Variants in CDKAL1 observed in about 807,000 individuals in gnomAD.
CDKAL1 encodes CDKAL1 threonylcarbamoyladenosine tRNA methylthiotransferase.
In CDKAL1, 32 loss-of-function variants were observed where a neutral mutation model predicts 68.2. The ratio of observed to expected loss-of-function variants is 0.47; its 90% CI spans 0.35 to 0.63. CDKAL1 has a LOEUF of 0.63. CDKAL1 is among the 30% of genes least tolerant of loss of function. The pLI is 0.00. For synonymous variants in CDKAL1, 234 were observed against 244.3 expected (o/e 0.96, Z 0.39); for missense variants, 606 against 696.7 (o/e 0.87, Z 1.47).
At chr6:21,149,003 A>C (rs770470118) in intron 13 of CDKAL1, among the ~76,000 whole-genome samples, 1 of 152,208 alleles carries the variant, frequency 6.6e-6, no homozygotes, top group Non-Finnish European at 1.5e-5. Context: ...TAAAGGAGAT[A>C]TCAGTATATA....
chr6:21,114,800 A>G (rs534611445), intron 13 of CDKAL1, among the ~76,000 whole-genome samples: 3 of 152,290 alleles, frequency 2.0e-5, no homozygotes, highest in East Asian at 1.9e-4. Flanking sequence ...GAGTGGGATA[A>G]TTTTAAGTAG....
At chr6:20,642,746 A>T (rs2127753028) in intron 4 of CDKAL1, among the ~76,000 whole-genome samples, 1 of 152,314 alleles carries the variant, frequency 6.6e-6, no homozygotes. Context: ...CTCTGACCCC[A>T]CATTCCCACC....
intron 12 of CDKAL1, among the ~76,000 whole-genome samples, chr6:21,097,474 CA>C (rs1169677420): frequency 7.5e-6 from 1 of 133,604 alleles, no homozygotes; most frequent in African/African-American, 2.8e-5. Flanking sequence ...TCTCAAAAAA[CA>C]AAAAAAAGAA....
chr6:20,719,747 A>C (rs1286418196), intron 5 of CDKAL1, among the ~76,000 whole-genome samples: 1 of 152,208 alleles, frequency 6.6e-6, no homozygotes, highest in Non-Finnish European at 1.5e-5. Flanking sequence ...GAAATGAAAC[A>C]TTGCCAGCCA....
Position 21,194,044 on chromosome 6 carries a change from C to T in CDKAL1, c.1300-3977C>T, listed in dbSNP as rs563254944. ...GAAGGGCTTTCAAAGAGACCACACA[C>T]GAAAGGCAGCCTCACATTATAACAC... On this transcript the variant is annotated intron_variant, in intron 13 of 15. Transcript: ENST00000274695. 8.5e-4 allele frequency among the ~76,000 whole-genome samples: 129 copies of T among 152,332 alleles called. 1 individual carries two copies. The highest frequency in any genetic ancestry group is 2.9e-3 in the African/African-American group (121 of 41,564).
chr6:20,855,442 CAAAAAAAAAAAAAA>C (rs145448785), intron 9 of CDKAL1, among the ~76,000 whole-genome samples: 5 of 64,598 alleles, frequency 7.7e-5, no homozygotes, highest in Non-Finnish European at 1.0e-4. Flanking sequence ...GACTCCGTCT[CAAAAAAAAAAAAAA>C]AAAAAAAAAA....
intron 9 of CDKAL1, among the ~76,000 whole-genome samples, chr6:20,916,536 G>A (rs1233659799): frequency 6.6e-6 from 1 of 152,168 alleles, no homozygotes. Flanking sequence ...GGAAAATGGT[G>A]TATTGAAGGT....
chr6:20,889,926 A>T (rs905128679), intron 9 of CDKAL1, among the ~76,000 whole-genome samples: 1 of 152,078 alleles, frequency 6.6e-6, no homozygotes, highest in Non-Finnish European at 1.5e-5. Flanking sequence ...TGGGTAAAAA[A>T]AATTTTTTTT....
At chr6:21,004,088 T>TA (rs1188260947) in intron 11 of CDKAL1, among the ~76,000 whole-genome samples, 1 of 152,174 alleles carries the variant, frequency 6.6e-6, no homozygotes, top group Non-Finnish European at 1.5e-5. Context: ...TCTGTTTCCT[T>TA]AAAAAATCCA....
chr6:20,783,053 C>CCG (rs1775501168), intron 8 of CDKAL1, among the ~76,000 whole-genome samples: 1 of 152,054 alleles, frequency 6.6e-6, no homozygotes, highest in Non-Finnish European at 1.5e-5. Context: ...TCTCAGCCTC[C>CCG]CGAGTAACTG....
At chr6:21,178,871 T>A (rs774924921) in intron 13 of CDKAL1, among the ~76,000 whole-genome samples, 1 of 152,186 alleles carries the variant, frequency 6.6e-6, no homozygotes, top group Non-Finnish European at 1.5e-5. Context: ...CCTCTGCAGG[T>A]TTCATGGTCT....
chr6:21,077,272 C>T (rs1383675110), intron 12 of CDKAL1, among the ~76,000 whole-genome samples: 1 of 152,058 alleles, frequency 6.6e-6, no homozygotes, highest in Non-Finnish European at 1.5e-5. Context: ...TTGATCAAAT[C>T]TTCTTGAATT....
At chr6:20,931,151 ACTAAAG>A (rs1446849122) in intron 9 of CDKAL1, among the ~76,000 whole-genome samples, 1 of 152,236 alleles carries the variant, frequency 6.6e-6, no homozygotes, top group African/African-American at 2.4e-5. Context: ...ACCCAGACTG[ACTAAAG>A]CTTAGCCTAA....
intron 4 of CDKAL1, among the ~76,000 whole-genome samples, chr6:20,647,637 A>G (rs912252970): frequency 1.3e-5 from 2 of 152,242 alleles, no homozygotes; most frequent in African/African-American, 4.8e-5. Context: ...AAAGAGTACT[A>G]GGATCAGATT....
intron 8 of CDKAL1, among the ~76,000 whole-genome samples, chr6:20,797,293 G>A (rs535453858): frequency 3.2e-4 from 49 of 152,218 alleles, no homozygotes; most frequent in Non-Finnish European, 6.5e-4. Flanking sequence ...TAACATCAGG[G>A]ATCCTATAAC....
At position 20,556,229 on chromosome 6, in the gene CDKAL1, A is replaced by G. The variant is rs987697897; in HGVS notation, c.286+7524A>G. On this transcript the variant is annotated intron_variant, in intron 4 of 15. Transcript: ENST00000274695. ...AAAATACAAAAATTAGCCTGGTATG[A>G]TAGTGCATGCCTGTAATCCCAGCTA... Among the ~76,000 whole-genome samples, 3 of 151,980 alleles carry G rather than the reference A, an allele frequency of 2.0e-5. No individual in the cohort carries two copies. The East Asian group carries it at 5.8e-4, about 30-fold the overall frequency.
intron 4 of CDKAL1, among the ~76,000 whole-genome samples, chr6:20,578,413 A>G (rs1467392738): frequency 6.6e-6 from 1 of 152,120 alleles, no homozygotes; most frequent in African/African-American, 2.4e-5. Context: ...TGGGAGTCAT[A>G]TGAATGGACT....
At chr6:20,750,965 A>G (rs1419512095) in intron 6 of CDKAL1, among the ~76,000 whole-genome samples, 2 of 147,302 alleles carry the variant, frequency 1.4e-5, no homozygotes, top group Non-Finnish European at 3.0e-5. Flanking sequence ...AAAAAAAAAA[A>G]AAAAAAAAAA....
intron 4 of CDKAL1, among the ~76,000 whole-genome samples, chr6:20,585,787 CT>C (rs1765330776): frequency 6.6e-6 from 1 of 152,114 alleles, no homozygotes; most frequent in African/African-American, 2.4e-5. Context: ...CTTTGTTTTA[CT>C]TTTCCACCTA....
Sources: allele counts gnomAD v4.1 joint callset (sites outside exome capture counted in the v4.1 genomes callset), GRCh38; gene constraint gnomAD v4.1.1; transcripts MANE v1.5; gene names NCBI Gene and HGNC (gene_info 2026-07-23, HGNC 2026-07-21).